Variants in SPIRE2 observed in about 807,000 individuals in gnomAD.
SPIRE2 encodes the protein spire type actin nucleation factor 2.
A neutral mutation model predicts 80.7 loss-of-function variants in SPIRE2; 76 were observed. The observed-to-expected ratio is 0.94, with a 90% CI of 0.78 to 1.14. SPIRE2 has a LOEUF of 1.14. SPIRE2 is among the 50% of genes most tolerant of loss of function. The pLI, the probability that SPIRE2 is intolerant of heterozygous loss-of-function variation, is 0.00. For synonymous variants in SPIRE2, 535 were observed against 432.6 expected (o/e 1.24, Z -2.94); for missense variants, 1,196 against 1,015.3 (o/e 1.18, Z -2.42).
chr16:89,860,866 C>A, intron 10 of SPIRE2, 71 bp downstream of exon 10: 1 of 1,004,800 alleles, frequency 1.0e-6, no homozygotes, highest in Non-Finnish European at 1.4e-6. Flanking sequence ...CCGCCGCCAG[C>A]CAGGTCTGGG....
chr16:89,862,076 T>C (rs1252052908), intron 10 of SPIRE2: 2 of 150,544 alleles, frequency 1.3e-5, no homozygotes, highest in Admixed American at 6.7e-5. Flanking sequence ...CCATCTCGGC[T>C]CACTGCAAGC....
chr16:89,851,923 C>G (rs942480836), intron 3 of SPIRE2, among the ~76,000 whole-genome samples: 3 of 152,054 alleles, frequency 2.0e-5, no homozygotes, highest in African/African-American at 7.3e-5. Context: ...CCCGAACCCT[C>G]TGAGCCTTTG....
In SPIRE2 at chr16:89,830,992, C is replaced by G. The variant is rs548388344; in HGVS notation, c.244+2198C>G. On this transcript the variant is annotated intron_variant, in intron 1 of 14. Transcript: ENST00000378247. ...CGGCACAATCTCTGCTCACTGCAAGCTCCACCTCCCGGGTTCACGCCATTC... is the reference window on the plus strand; with the variant it reads ...CGGCACAATCTCTGCTCACTGCAAGGTCCACCTCCCGGGTTCACGCCATTC... Among the ~76,000 whole-genome samples, 32 of 148,958 alleles carry G rather than the reference C, an allele frequency of 2.1e-4. 1 individual carries two copies. The highest frequency in any genetic ancestry group is 7.6e-4 in the African/African-American group (31 of 40,952).
In SPIRE2 at chr16:89,863,623, A is replaced by G; in HGVS notation, c.1710+13A>G. On this transcript the variant is annotated intron_variant, in intron 11 of 14. Coordinates refer to ENST00000378247, the MANE Select transcript of SPIRE2 (RefSeq NM_032451.2). This position sits in a 1 kb window ranked among gnomAD's most constrained non-coding sequence, Gnocchi z 4.3. ...GAAGAAGGGGAAGGTGAGGCTGCCT[A>G]GACGTGGGGCTACGCTCTTGCCCGC... is the stretch of plus-strand genomic sequence containing the variant. 6.2e-7 allele frequency: 1 copy of G among 1,614,044 alleles called. No individual in the cohort carries two copies. The highest frequency in any genetic ancestry group is 2.2e-5 in the East Asian group (1 of 44,886).
In SPIRE2 at chr16:89,870,342, G is replaced by C; in HGVS notation, c.*70G>C. On this transcript the variant is annotated 3_prime_UTR_variant, in exon 15 of 15. Transcript: ENST00000378247. ...GTATCAGGCTAGGACGCTCTGAGCTGTGCATGTACATATATACATATATAG... is the reference window on the plus strand; with the variant it reads ...GTATCAGGCTAGGACGCTCTGAGCTCTGCATGTACATATATACATATATAG... 1 of 886,726 alleles carries C rather than the reference G, an allele frequency of 1.1e-6. No homozygotes were observed. Among genetic ancestry groups the C allele is most frequent in the Non-Finnish European group, 1.8e-6 (1 of 558,820 alleles). 54.9% of individuals were successfully genotyped at this position (886,726 alleles called of 1,614,324 possible).
chr16:89,855,456 A>G, intron 5 of SPIRE2, 144 bp from the exon 6 acceptor site: 1 of 668,950 alleles, frequency 1.5e-6, no homozygotes, highest in Non-Finnish European at 2.6e-6. Context: ...TTACCAGGGA[A>G]GCAGCTGGGT....
At chr16:89,838,058 T>C (rs2041467642) in intron 1 of SPIRE2, among the ~76,000 whole-genome samples, 1 of 152,004 alleles carries the variant, frequency 6.6e-6, no homozygotes, top group African/African-American at 2.4e-5. Flanking sequence ...TCACCCAGGC[T>C]GGAGTGCCTC....
intron 1 of SPIRE2, among the ~76,000 whole-genome samples, chr16:89,829,723 C>G (rs2041361260): frequency 7.2e-6 from 1 of 139,660 alleles, no homozygotes; most frequent in African/African-American, 2.5e-5. Context: ...GCCCCCCCCT[C>G]AGCTGCCTCC....
In SPIRE2 at chr16:89,842,208, ATT is replaced by A. The variant is rs71137682; in HGVS notation, c.245-3093_245-3092del. 3.2e-4 allele frequency among the ~76,000 whole-genome samples: 26 copies of A among 81,308 alleles called. 1 individual carries two copies. Among genetic ancestry groups the A allele is most frequent in the Admixed American group, 8.5e-4 (5 of 5,898 alleles). The allele number at this position is 81,308 out of a possible 152,430, so 53.3% of individuals were successfully genotyped here. A position where few individuals can be genotyped will look rare whatever the true frequency, so the allele number is the denominator to read the frequency against. On this transcript the variant is annotated intron_variant, in intron 1 of 14. Coordinates refer to ENST00000378247, the MANE Select transcript of SPIRE2 (RefSeq NM_032451.2). ...ATACAATTAGATTCATGAACACGTA[ATT>A]TTTTTTTTTTTTTTTTTTTTGTGAC... is the stretch of plus-strand genomic sequence containing the variant.
chr16:89,844,823 C>G (rs760281685), intron 1 of SPIRE2, among the ~76,000 whole-genome samples: 13 of 152,198 alleles, frequency 8.5e-5, no homozygotes, highest in Non-Finnish European at 1.5e-4. Context: ...CTGCTAGCAG[C>G]TCTCCCACCT....
intron 1 of SPIRE2, among the ~76,000 whole-genome samples, chr16:89,841,522 C>T (rs1042689426): frequency 3.3e-5 from 5 of 152,018 alleles, no homozygotes; most frequent in African/African-American, 4.8e-5. Context: ...CCTGGGTGTT[C>T]GGCTGGGTTG....
chr16:89,846,101 G>A (rs1044778745), intron 2 of SPIRE2: 1 of 161,530 alleles, frequency 6.2e-6, no homozygotes, highest in African/African-American at 2.4e-5. Flanking sequence ...GTTTCACCGT[G>A]TTAGCCAGGA....
At chr16:89,832,678 G>A (rs1021312036) in intron 1 of SPIRE2, among the ~76,000 whole-genome samples, 9 of 152,136 alleles carry the variant, frequency 5.9e-5, no homozygotes, top group African/African-American at 1.9e-4. Context: ...GGAGAACTCA[G>A]TCAAGACACG....
intron 3 of SPIRE2, among the ~76,000 whole-genome samples, chr16:89,850,938 G>A (rs1394907966): frequency 6.6e-6 from 1 of 152,054 alleles, no homozygotes. Context: ...CCAGGTTCAA[G>A]CAATTCTCCT....
chr16:89,830,834 G>A (rs1352724864), intron 1 of SPIRE2, among the ~76,000 whole-genome samples: 7 of 150,080 alleles, frequency 4.7e-5, no homozygotes, highest in Non-Finnish European at 1.0e-4. Context: ...TCATTTCCAA[G>A]CCAAGATTAG....
At chr16:89,840,905 G>A (rs1040793278) in intron 1 of SPIRE2, among the ~76,000 whole-genome samples, 5 of 151,666 alleles carry the variant, frequency 3.3e-5, no homozygotes, top group Non-Finnish European at 7.4e-5. Context: ...CCAAAGTGCT[G>A]GGATTACAGG....
intron 1 of SPIRE2, among the ~76,000 whole-genome samples, chr16:89,830,050 C>T (rs2041364486): frequency 6.6e-6 from 1 of 151,300 alleles, no homozygotes; most frequent in African/African-American, 2.4e-5. Flanking sequence ...GACCCTCTGA[C>T]TGTAAAGATG....
intron 14 of SPIRE2, 84 bp downstream of exon 14, chr16:89,869,766 T>C (rs2041823158): frequency 3.8e-6 from 4 of 1,043,968 alleles, no homozygotes; most frequent in Admixed American, 1.9e-5. Context: ...GGGGGCTGGC[T>C]TTGTCTGTTT....
chr16:89,850,739 G>C (rs2041618046), intron 3 of SPIRE2, 79 bp downstream of exon 3: 5 of 1,093,284 alleles, frequency 4.6e-6, no homozygotes, highest in Admixed American at 6.5e-5. Context: ...GACTGGCAAG[G>C]ACGTCTCTTC....
Sources: gnomAD v4.1 joint callset for allele counts (sites outside exome capture counted in the v4.1 genomes callset) on GRCh38, gnomAD v4.1.1 for gene constraint, Gnocchi (gnomAD v3.1) non-coding constraint, MANE v1.5 for transcripts, NCBI Gene and HGNC (gene_info 2026-07-23, HGNC 2026-07-21) for gene names.